The following PDS5B variants were observed in gnomAD, a reference collection of about 807,000 sequenced individuals.
The protein encoded by PDS5B is PDS5 cohesin associated factor B, also known as sister chromatid cohesion protein PDS5 homolog B.
In PDS5B, 51 loss-of-function variants were observed where a neutral mutation model predicts 184.1. The observed-to-expected ratio is 0.28, with a 90% CI of 0.22 to 0.35. The LOEUF (loss-of-function observed/expected upper bound fraction) is 0.35, where lower values mean the gene tolerates loss of function less well. PDS5B is among the 10% of genes least tolerant of loss of function. The pLI is 1.00. For synonymous variants in PDS5B, 566 were observed against 569.2 expected, an observed-to-expected ratio of 0.99 and a Z score of 0.08; for missense variants, 1,180 against 1,723.3, an observed-to-expected ratio of 0.68 and a Z score of 5.58.
chr13:32,674,582 A>C (rs1300215596), intron 8 of PDS5B, among the ~76,000 whole-genome samples: 1 of 151,900 alleles, frequency 6.6e-6, no homozygotes, highest in Non-Finnish European at 1.5e-5. Flanking sequence ...AAATATAAAA[A>C]TAAGGAAATT....
In PDS5B at chr13:32,776,120, T is replaced by A. The variant is rs1161482432; in HGVS notation, c.*1068T>A. ...TTCTTGAAAGCCAAGTGTTTTGTAT[T>A]TTATAGTGAGTTGCATGTTTTTGAA... On this transcript the variant is annotated 3_prime_UTR_variant, in exon 35 of 35. Transcript: ENST00000315596. The A allele has an allele frequency of 6.5e-6, 1 of 153,618 alleles. No homozygotes were observed. The highest frequency in any genetic ancestry group is 1.5e-5 in the Non-Finnish European group (1 of 68,798). 9.5% of individuals were successfully genotyped at this position (153,618 alleles called of 1,614,324 possible).
intron 1 of PDS5B, among the ~76,000 whole-genome samples, chr13:32,611,523 T>TG (rs2058142244): frequency 1.6e-5 from 2 of 126,728 alleles, no homozygotes; most frequent in South Asian, 4.7e-4. Flanking sequence ...TTTTTTTTTT[T>TG]TGGAGACCAG....
intron 24 of PDS5B, among the ~76,000 whole-genome samples, chr13:32,749,711 A>G (rs1953903472): frequency 6.6e-6 from 1 of 152,172 alleles, no homozygotes; most frequent in South Asian, 2.1e-4. Context: ...CATGGTATTA[A>G]TGGTAGTTTT....
chr13:32,703,396 G>A (rs533981754), intron 17 of PDS5B, among the ~76,000 whole-genome samples: 1 of 152,220 alleles, frequency 6.6e-6, no homozygotes, highest in South Asian at 2.1e-4. Context: ...CTTGGCTTTA[G>A]GAATCAGAAG....
intron 33 of PDS5B, 126 bp downstream of exon 33, chr13:32,770,887 A>G (rs750788252): frequency 2.9e-6 from 2 of 683,388 alleles, no homozygotes; most frequent in Middle Eastern, 7.8e-4. Context: ...AGGTAAGATA[A>G]AATTTTTATA....
At chr13:32,599,156 T>C (rs1593238800) in intron 1 of PDS5B, among the ~76,000 whole-genome samples, 1 of 152,222 alleles carries the variant, frequency 6.6e-6, no homozygotes, top group African/African-American at 2.4e-5. Flanking sequence ...CAATTTGATG[T>C]TGAAAGTTAT....
intron 1 of PDS5B, among the ~76,000 whole-genome samples, chr13:32,610,457 AC>A (rs2058123650): frequency 6.6e-6 from 1 of 152,276 alleles, no homozygotes; most frequent in African/African-American, 2.4e-5. Context: ...ATTGTTAGTA[AC>A]ACTAACAGTT....
intron 19 of PDS5B, among the ~76,000 whole-genome samples, chr13:32,730,044 C>A (rs1953054693): frequency 6.9e-6 from 1 of 145,898 alleles, no homozygotes; most frequent in Non-Finnish European, 1.5e-5. Context: ...AATGGTTTTA[C>A]CTAGGTTTTC....
At chr13:32,773,360 A>G (rs753495383) in intron 34 of PDS5B, 36 bp downstream of exon 34, 2 of 1,560,638 alleles carry the variant, frequency 1.3e-6, no homozygotes, top group Non-Finnish European at 1.7e-6. Context: ...GGTGTGGGAT[A>G]TAAAAAGAGT....
intron 24 of PDS5B, among the ~76,000 whole-genome samples, chr13:32,749,746 T>C (rs1252354668): frequency 6.6e-6 from 1 of 152,172 alleles, no homozygotes; most frequent in Non-Finnish European, 1.5e-5. Flanking sequence ...TAGAAAAGGC[T>C]ACTAAAAGTG....
intron 1 of PDS5B, among the ~76,000 whole-genome samples, chr13:32,586,990 C>CCCGCCGCCGCCGTCG (rs1555284164): frequency 5.0e-5 from 7 of 140,810 alleles, no homozygotes; most frequent in Non-Finnish European, 1.1e-4. Context: ...CCCGCGCCCT[C>CCCGCCGCCGCCGTCG]CCGCCGCCGC....
At position 32,740,244 on chromosome 13, in the gene PDS5B, C is replaced by G. The variant is rs530563224; in HGVS notation, c.2407-836C>G. Among the ~76,000 whole-genome samples, 13 of 152,076 alleles carry G rather than the reference C, an allele frequency of 8.5e-5. No homozygotes were observed. In the South Asian group the frequency reaches 2.7e-3, roughly 32 times the overall value. ...AGAAATCTGAAGTTAATCTTTTATT[C>G]CTTTTTGGTAGTTTCTTTATGGAAG... On this transcript the variant is annotated intron_variant, in intron 21 of 34. Coordinates refer to ENST00000315596, the MANE Select transcript of PDS5B (RefSeq NM_015032.4).
intron 14 of PDS5B, among the ~76,000 whole-genome samples, chr13:32,696,629 A>G (rs940129181): frequency 6.6e-6 from 1 of 152,026 alleles, no homozygotes; most frequent in African/African-American, 2.4e-5. Flanking sequence ...GGAGGCTAAC[A>G]CAACAGGGTG....
intron 9 of PDS5B, among the ~76,000 whole-genome samples, chr13:32,678,412 T>A (rs1199530762): frequency 6.6e-6 from 1 of 152,176 alleles, no homozygotes; most frequent in Non-Finnish European, 1.5e-5. Context: ...CTGCCATACA[T>A]TAGTGAATGC....
intron 11 of PDS5B, among the ~76,000 whole-genome samples, chr13:32,685,185 G>A (rs988408792): frequency 1.3e-5 from 2 of 152,196 alleles, no homozygotes; most frequent in Admixed American, 1.3e-4. Flanking sequence ...TGCTGGTTGT[G>A]CGTGGAGGAT....
intron 34 of PDS5B, among the ~76,000 whole-genome samples, chr13:32,773,749 T>C (rs978370339): frequency 1.3e-5 from 2 of 152,208 alleles, no homozygotes; most frequent in African/African-American, 2.4e-5. Context: ...TGAATGAGAA[T>C]TCATAAAATT....
chr13:32,753,004 A>G (rs1478381757), intron 24 of PDS5B, among the ~76,000 whole-genome samples: 1 of 152,164 alleles, frequency 6.6e-6, no homozygotes, highest in African/African-American at 2.4e-5. Context: ...TGCCCAGTAA[A>G]TGAAAAAGAT....
chr13:32,707,603 G>GTT (rs967793383), intron 18 of PDS5B, among the ~76,000 whole-genome samples: 4 of 122,540 alleles, frequency 3.3e-5, no homozygotes, highest in African/African-American at 1.3e-4. Context: ...TTTTTCAAGA[G>GTT]TTTTTTTTTT....
At chr13:32,614,421 T>C (rs2140517722) in intron 1 of PDS5B, among the ~76,000 whole-genome samples, 1 of 151,906 alleles carries the variant, frequency 6.6e-6, no homozygotes, top group African/African-American at 2.4e-5. Context: ...CCTTGGCCTC[T>C]AGAGTAGCTG....
Sources: allele counts gnomAD v4.1 joint callset (sites outside exome capture counted in the v4.1 genomes callset), GRCh38; gene constraint gnomAD v4.1.1; transcripts MANE v1.5; gene names NCBI Gene and HGNC (gene_info 2026-07-23, HGNC 2026-07-21).